SYNGR1: variants seen among roughly 807,000 people sequenced by gnomAD.
SYNGR1 encodes the protein synaptogyrin 1, also known as synaptogyrin-1.
Under a neutral mutation model 26.1 loss-of-function variants are expected in SYNGR1, and 14 were observed. The ratio of observed to expected loss-of-function variants is 0.54; its 90% CI spans 0.35 to 0.84. The LOEUF is 0.84. SYNGR1 is among the 40% of genes least tolerant of loss of function. The probability of loss-of-function intolerance (pLI) is 0.01; values close to 1 mark genes in which losing one functional copy is unlikely to be tolerated. For synonymous variants in SYNGR1, 141 were observed against 150.1 expected (o/e 0.94, Z 0.44); for missense variants, 319 against 332.9 (o/e 0.96, Z 0.33).
chr22:39,377,026 C>T (rs531064284), intron 3 of SYNGR1: 6 of 1,550,964 alleles, frequency 3.9e-6, no homozygotes, highest in African/African-American at 1.4e-5. Flanking sequence ...GATCTGGGGC[C>T]ACATCACCTC....
intron 3 of SYNGR1, chr22:39,377,443 A>G (rs567220900): frequency 2.0e-6 from 2 of 985,362 alleles, no homozygotes; most frequent in East Asian, 2.3e-4. Context: ...GGAGGAGTTT[A>G]GGGGCGGGGC....
At chr22:39,351,455 G>A (rs944650760) in intron 1 of SYNGR1, among the ~76,000 whole-genome samples, 1 of 152,236 alleles carries the variant, frequency 6.6e-6, no homozygotes, top group Non-Finnish European at 1.5e-5. Flanking sequence ...GCACAGAGCC[G>A]GGCACCCCAG....
At position 39,383,359 on chromosome 22, in the gene SYNGR1, G is replaced by A. The variant is rs1374021247; in HGVS notation, c.*1445G>A. 6.6e-6 allele frequency: 1 copy of A among 152,506 alleles called. No individual in the cohort carries two copies. Among genetic ancestry groups the A allele is most frequent in the African/African-American group, 2.4e-5 (1 of 41,464 alleles). The allele number at this position is 152,506 out of a possible 1,614,324, so 9.4% of individuals were successfully genotyped here. On this transcript the variant is annotated 3_prime_UTR_variant, in exon 4 of 4. Transcript: ENST00000328933. ...GCATGGGAGGCCCAGGGAAGACCATGGGCTGTAGGGGAGAGTGTGGCAGGT... is the reference window on the plus strand; with the variant it reads ...GCATGGGAGGCCCAGGGAAGACCATAGGCTGTAGGGGAGAGTGTGGCAGGT...
chr22:39,383,216 G>C lies in SYNGR1; in HGVS notation c.*1302G>C, dbSNP rs1925554719. On this transcript the variant is annotated 3_prime_UTR_variant, in exon 4 of 4. Transcript: ENST00000328933. ...TTCCAGAAGGCCCACTGTGGAGCCAGCCTCCCTATGGGAGGCAGAGCGGCA... is the reference window on the plus strand; with the variant it reads ...TTCCAGAAGGCCCACTGTGGAGCCACCCTCCCTATGGGAGGCAGAGCGGCA... 6.6e-6 allele frequency: 1 copy of C among 152,338 alleles called. No homozygotes were observed. Among genetic ancestry groups the C allele is most frequent in the Non-Finnish European group, 1.5e-5 (1 of 68,076 alleles). The allele number at this position is 152,338 out of a possible 1,614,324, so 9.4% of individuals were successfully genotyped here.
chr22:39,369,552 C>T (rs1270731263), intron 1 of SYNGR1, among the ~76,000 whole-genome samples: 2 of 152,136 alleles, frequency 1.3e-5, no homozygotes, highest in Admixed American at 6.5e-5. Context: ...CAGGGCCCAC[C>T]TCCAGAGGCT....
intron 1 of SYNGR1, among the ~76,000 whole-genome samples, chr22:39,361,356 CTTTTT>C (rs71326762): frequency 2.0e-4 from 24 of 122,326 alleles, no homozygotes; most frequent in African/African-American, 7.3e-4. Flanking sequence ...TAACCCTGCC[CTTTTT>C]TTTTTTTTTT....
intron 1 of SYNGR1, among the ~76,000 whole-genome samples, chr22:39,362,229 G>A (rs978027812): frequency 6.6e-6 from 1 of 152,170 alleles, no homozygotes; most frequent in African/African-American, 2.4e-5. Context: ...ATTCTGGAAA[G>A]AGGGAGGGGC....
chr22:39,376,352 G>C, intron 3 of SYNGR1, 155 bp downstream of exon 3: 1 of 1,319,984 alleles, frequency 7.6e-7, no homozygotes, highest in Non-Finnish European at 1.1e-6. Context: ...GGCGCTCACA[G>C]TGGTGCTGCC....
Position 39,384,643 on chromosome 22 carries a change from G to A in SYNGR1, c.*2729G>A, listed in dbSNP as rs1231928517. The A allele has an allele frequency of 5.0e-6, 2 of 398,868 alleles. No homozygotes were observed. The highest frequency in any genetic ancestry group is 8.8e-6 in the Non-Finnish European group (2 of 226,104). 24.7% of individuals were successfully genotyped at this position (398,868 alleles called of 1,614,324 possible). A position where few individuals can be genotyped will look rare whatever the true frequency, so the allele number is the denominator to read the frequency against. ...GGGAACCCCAGGCCCAACTCTGTCCGGTATCCCTTTTCCTCCCAGCTGCCC... is the reference window on the plus strand; with the variant it reads ...GGGAACCCCAGGCCCAACTCTGTCCAGTATCCCTTTTCCTCCCAGCTGCCC... On this transcript the variant is annotated 3_prime_UTR_variant, in exon 4 of 4. Coordinates refer to ENST00000328933, the MANE Select transcript of SYNGR1 (RefSeq NM_004711.5).
chr22:39,381,967 C>A lies in SYNGR1; in HGVS notation c.*53C>A. 6.5e-7 allele frequency: 1 copy of A among 1,535,242 alleles called. No homozygotes were observed. The highest frequency in any genetic ancestry group is 1.4e-5 in the African/African-American group (1 of 73,090). On this transcript the variant is annotated 3_prime_UTR_variant, in exon 4 of 4. Transcript: ENST00000328933. ...TCCCCATCTGTCCCCTCTCTCCACA[C>A]CCAGCCCCTGCTCCTGCCCAGGCTG...
chr22:39,377,752 C>A (rs1925354042), intron 3 of SYNGR1: 2 of 1,586,268 alleles, frequency 1.3e-6, no homozygotes, highest in Non-Finnish European at 1.7e-6. Flanking sequence ...GTGGCAGGAG[C>A]AGCCTAGTGC....
At chr22:39,373,357 G>T (rs1454022622) in intron 1 of SYNGR1, among the ~76,000 whole-genome samples, 1 of 151,970 alleles carries the variant, frequency 6.6e-6, no homozygotes, top group African/African-American at 2.4e-5. Flanking sequence ...TAGTAAAGAC[G>T]GGGTTTCACC....
chr22:39,374,617 G>T (rs1391533693), intron 2 of SYNGR1, 64 bp downstream of exon 2: 3 of 1,543,712 alleles, frequency 1.9e-6, no homozygotes, highest in Middle Eastern at 1.7e-4. Context: ...GGCCATAGGA[G>T]GCGGCTGCCA....
At chr22:39,357,445 G>T (rs1031975391) in intron 1 of SYNGR1, among the ~76,000 whole-genome samples, 13 of 152,300 alleles carry the variant, frequency 8.5e-5, no homozygotes, top group Admixed American at 7.2e-4. Flanking sequence ...GGCATTTGAG[G>T]AGCCCTTCAG....
At chr22:39,354,342 C>T (rs191663966) in intron 1 of SYNGR1, among the ~76,000 whole-genome samples, 149 of 152,320 alleles carry the variant, frequency 9.8e-4, no homozygotes, top group African/African-American at 3.2e-3. Flanking sequence ...GGAGAAGTGA[C>T]TTGTGCTAGC....
rs556368058 is a variant in SYNGR1 at position 39,381,700 on chromosome 22, G to T, written c.488G>T (p.Gly163Val). 6.2e-7 allele frequency: 1 copy of T among 1,613,266 alleles called. No homozygotes were observed. Among genetic ancestry groups the T allele is most frequent in the Non-Finnish European group, 8.5e-7 (1 of 1,179,980 alleles). The stretch of plus-strand genomic sequence containing the variant: ...CTCGCCGGCCTTTGTCCCCAGGCGG[G>T]CCAGGCTGTGCTGGCCTTCCAGCGG... ...FSFFSIFTWA[G>V]QAVLAFQRYQ... The change falls in exon 4 of 4, where the codon GGC becomes GTC. Residue 163 changes from glycine (G) to valine (V), a missense_variant. Gly to Val is a moderately radical substitution (Grantham distance 109). Coordinates refer to ENST00000328933, the MANE Select transcript of SYNGR1 (RefSeq NM_004711.5).
intron 1 of SYNGR1, among the ~76,000 whole-genome samples, chr22:39,358,022 G>C (rs1924255137): frequency 6.6e-6 from 1 of 152,280 alleles, no homozygotes; most frequent in Admixed American, 6.5e-5. Flanking sequence ...TCCACCTGCA[G>C]CCCCGGTGCG....
In SYNGR1 at chr22:39,376,037, C is replaced by T; in HGVS notation, c.338-15C>T. ...TGTGGCACTGCCTATTCTGCCCGGT[C>T]CTGGGACCCCCCAGCCTTCTGGGCT... is the stretch of plus-strand genomic sequence containing the variant. On this transcript the variant is annotated splice_polypyrimidine_tract_variant and intron_variant, in intron 2 of 3. Transcript: ENST00000328933. The T allele has an allele frequency of 6.2e-7, 1 of 1,614,180 alleles. No homozygotes were observed. Among genetic ancestry groups the T allele is most frequent in the Admixed American group, 1.7e-5 (1 of 60,024 alleles).
In SYNGR1 at chr22:39,381,818, C is replaced by CAAT. The variant is rs1555944392; in HGVS notation, c.607_608insATA (p.Pro202_Thr203insAsn). ...TGCCTTACGCGCCCTACGTGGAGCC[C>CAAT]ACTGGGCCGGATCCCGCCGGTATGG... is the stretch of plus-strand genomic sequence containing the variant. On this transcript the variant is annotated inframe_insertion, in exon 4 of 4. Coordinates refer to ENST00000328933, the MANE Select transcript of SYNGR1 (RefSeq NM_004711.5). 3.4e-6 allele frequency: 5 copies of CAAT among 1,471,322 alleles called. No homozygotes were observed. Among genetic ancestry groups the CAAT allele is most frequent in the Non-Finnish European group, 4.5e-6 (5 of 1,119,346 alleles). 91.1% of individuals were successfully genotyped at this position (1,471,322 alleles called of 1,614,324 possible).
Sources: gnomAD v4.1 joint callset for allele counts (sites outside exome capture counted in the v4.1 genomes callset) on GRCh38, gnomAD v4.1.1 for gene constraint, MANE v1.5 for transcripts, NCBI Gene and HGNC (gene_info 2026-07-23, HGNC 2026-07-21) for gene names.